CLCA1: variants seen among roughly 807,000 people sequenced by gnomAD.
The protein encoded by CLCA1 is calcium-activated chloride channel regulator 1.
CLCA1 carries 59 observed loss-of-function variants against 85.6 expected under a neutral mutation model. The ratio of observed to expected loss-of-function variants is 0.69; its 90% CI spans 0.56 to 0.86. The LOEUF is 0.86. Ranked by LOEUF, CLCA1 falls within the 40% of genes least tolerant of loss-of-function variation. The pLI is 0.00. For synonymous variants in CLCA1, 396 were observed against 398.3 expected (o/e 0.99, Z 0.07); for missense variants, 1,022 against 1,101.4 (o/e 0.93, Z 1.02).
Position 86,498,600 on chromosome 1 carries a change from T to G in CLCA1, c.2142T>G (p.Pro714=). ...AAATACAATGGAATCCACCAAGACC[T>G]GAAATTAATAAGGATGATGTTCAAC... ...NDEIQWNPPR[P]EINKDDVQHK... Residue 714 remains proline (P), a synonymous_variant, in exon 13 of 14, where the codon CCT becomes CCG. Transcript: ENST00000394711. 6.2e-7 allele frequency: 1 copy of G among 1,613,302 alleles called. No individual in the cohort carries two copies. The highest frequency in any genetic ancestry group is 8.5e-7 in the Non-Finnish European group (1 of 1,179,654).
intron 7 of CLCA1, among the ~76,000 whole-genome samples, chr1:86,487,072 A>T (rs200685761): frequency 6.6e-6 from 1 of 152,216 alleles, no homozygotes; most frequent in East Asian, 1.9e-4. Flanking sequence ...TCCAGCTCAC[A>T]TGGCCTGATG....
chr1:86,485,001 G>A (rs953071754), intron 5 of CLCA1, among the ~76,000 whole-genome samples: 1 of 152,142 alleles, frequency 6.6e-6, no homozygotes, highest in Non-Finnish European at 1.5e-5. Context: ...GAGTTTGGTG[G>A]TATAAGGGTG....
chr1:86,474,653 G>A (rs1395047875), intron 3 of CLCA1, among the ~76,000 whole-genome samples: 1 of 152,040 alleles, frequency 6.6e-6, no homozygotes, highest in Admixed American at 6.6e-5. Context: ...GATTCTACCG[G>A]TCTGTGGATC....
At chr1:86,494,036 C>T in intron 10 of CLCA1, 151 bp from the exon 11 acceptor site, 1 of 838,786 alleles carries the variant, frequency 1.2e-6, no homozygotes, top group East Asian at 2.7e-5. Flanking sequence ...CTGAAGCTCC[C>T]CGTGGCTGAC....
rs775843453 is a variant in CLCA1, at chr1:86,494,254, C to T, written c.1748C>T (p.Ala583Val). 3.0e-5 allele frequency: 49 copies of T among 1,614,054 alleles called. No individual in the cohort carries two copies. Among genetic ancestry groups the T allele is most frequent in the South Asian group, 3.0e-4 (27 of 91,084 alleles). Reference sequence around the variant, plus strand: ...TTGACCCTGACTGTCACGTCCCGTGCGTCCAATGCTACCCTGCCTCCAATT... The same window carrying T: ...TTGACCCTGACTGTCACGTCCCGTGTGTCCAATGCTACCCTGCCTCCAATT... Reference protein sequence around the residue: ...QTLTLTVTSRASNATLPPITV... With the variant: ...QTLTLTVTSRVSNATLPPITV... The change falls in exon 11 of 14, where the codon GCG becomes GTG. Residue 583 changes from alanine (A) to valine (V), a missense_variant. Transcript: ENST00000394711.
At chr1:86,489,339 A>C (rs112817415) in intron 8 of CLCA1, among the ~76,000 whole-genome samples, 169 bp downstream of exon 8, 3 of 152,260 alleles carry the variant, frequency 2.0e-5, no homozygotes, top group African/African-American at 7.2e-5. Flanking sequence ...CTGCCCATTT[A>C]TTTTAAAGCT....
chr1:86,469,671 C>G (rs1349360300), intron 1 of CLCA1, among the ~76,000 whole-genome samples: 2 of 152,126 alleles, frequency 1.3e-5, no homozygotes, highest in African/African-American at 4.8e-5. Flanking sequence ...TTTCTTGCTA[C>G]CTCTTATGTA....
Position 86,498,631 on chromosome 1 carries a change from C to A in CLCA1, c.2173C>A (p.Gln725Lys), listed in dbSNP as rs1187677225. 6 of 1,613,456 alleles carry A rather than the reference C, an allele frequency of 3.7e-6. No homozygotes were observed. Among genetic ancestry groups the A allele is most frequent in the Non-Finnish European group, 5.1e-6 (6 of 1,179,520 alleles). Residue 725 changes from glutamine (Q) to lysine (K), a missense_variant, in exon 13 of 14, where the codon CAA becomes AAA. By Grantham distance (53) the Gln-to-Lys change is moderately conservative. Coordinates refer to ENST00000394711, the MANE Select transcript of CLCA1 (RefSeq NM_001285.4). ...TAATAAGGATGATGTTCAACACAAG[C>A]AAGTGTGTTTCAGCAGAACATCCTC... is the stretch of plus-strand genomic sequence containing the variant. ...EINKDDVQHK[Q>K]VCFSRTSSGG...
intron 1 of CLCA1, 99 bp downstream of exon 1, chr1:86,469,232 T>C: frequency 1.4e-6 from 1 of 710,078 alleles, no homozygotes. Context: ...CACTGGCATG[T>C]ATTTTTATGT....
In CLCA1 at chr1:86,488,793, C is replaced by T. The variant is rs1648057035; in HGVS notation, c.1183-203C>T. Among the ~76,000 whole-genome samples the T allele has an allele frequency of 2.6e-5, 4 of 152,126 alleles. No individual in the cohort carries two copies. In the South Asian group the frequency reaches 8.3e-4, roughly 32 times the overall value. On this transcript the variant is annotated intron_variant, in intron 7 of 13. Coordinates refer to ENST00000394711, the MANE Select transcript of CLCA1 (RefSeq NM_001285.4). ...CCGTCCCTCTCTGCAGCAGACCAGCCAAGGGGAAAGACAGCGGTCAAGTTC... is the reference window on the plus strand; with the variant it reads ...CCGTCCCTCTCTGCAGCAGACCAGCTAAGGGGAAAGACAGCGGTCAAGTTC...
chr1:86,479,229 A>G (rs1647754522), intron 4 of CLCA1, among the ~76,000 whole-genome samples: 1 of 152,244 alleles, frequency 6.6e-6, no homozygotes, highest in Non-Finnish European at 1.5e-5. Flanking sequence ...TATTAGCAAT[A>G]ACCAGTTCAA....
chr1:86,482,619 G>T (rs1023213058), intron 5 of CLCA1, among the ~76,000 whole-genome samples: 5 of 152,062 alleles, frequency 3.3e-5, no homozygotes, highest in African/African-American at 1.2e-4. Flanking sequence ...TAGTTCAAGT[G>T]CTTAGGATTA....
intron 5 of CLCA1, among the ~76,000 whole-genome samples, chr1:86,483,671 C>G (rs1302008980): frequency 1.3e-5 from 2 of 152,058 alleles, no homozygotes; most frequent in African/African-American, 2.4e-5. Flanking sequence ...ATAACTATCA[C>G]TATTTTGTAG....
chr1:86,496,378 T>C (rs556171934), intron 12 of CLCA1, among the ~76,000 whole-genome samples: 3 of 152,302 alleles, frequency 2.0e-5, no homozygotes, highest in East Asian at 3.9e-4. Context: ...GGGAGCATAG[T>C]AGATGAATTT....
chr1:86,492,018 A>G (rs1334951648), intron 9 of CLCA1, among the ~76,000 whole-genome samples: 1 of 130,298 alleles, frequency 7.7e-6, no homozygotes, highest in Middle Eastern at 4.1e-3. Flanking sequence ...TCTTGAAACT[A>G]TTAAGAAAAA....
rs371305518 is a variant in CLCA1, at chr1:86,469,076, T to C, written c.105T>C (p.Ile35=). 9.9e-5 allele frequency: 160 copies of C among 1,612,722 alleles called. No homozygotes were observed. Among genetic ancestry groups the C allele is most frequent in the Non-Finnish European group, 1.2e-4 (147 of 1,179,314 alleles). The change falls in exon 1 of 14, where the codon ATT becomes ATC. Residue 35 remains isoleucine (I), a synonymous_variant. Coordinates refer to ENST00000394711, the MANE Select transcript of CLCA1 (RefSeq NM_001285.4). ...IQLNNNGYEG[I]VVAIDPNVPE... ...TGAACAACAATGGCTATGAAGGCAT[T>C]GTCGTTGCAATCGACCCCAATGTGC...
At chr1:86,489,330 T>C (rs1161025043) in intron 8 of CLCA1, among the ~76,000 whole-genome samples, 160 bp downstream of exon 8, 2 of 152,200 alleles carry the variant, frequency 1.3e-5, no homozygotes, top group African/African-American at 4.8e-5. Context: ...AAGTGGACTC[T>C]GCCCATTTAT....
intron 2 of CLCA1, 81 bp downstream of exon 2, chr1:86,473,638 A>G: frequency 3.3e-6 from 5 of 1,497,366 alleles, no homozygotes; most frequent in Non-Finnish European, 4.5e-6. Flanking sequence ...TCTAGAATCA[A>G]ATGTGATTGT....
At chr1:86,481,903 T>G (rs1293779404) in intron 4 of CLCA1, among the ~76,000 whole-genome samples, 1 of 152,196 alleles carries the variant, frequency 6.6e-6, no homozygotes. Flanking sequence ...ATGAAGGGAA[T>G]AGATTCAAAG....
Sources: gnomAD v4.1 joint callset for allele counts (sites outside exome capture counted in the v4.1 genomes callset) on GRCh38, gnomAD v4.1.1 for gene constraint, MANE v1.5 for transcripts, NCBI Gene and HGNC (gene_info 2026-07-23, HGNC 2026-07-21) for gene names.